Variants in RABGEF1 observed in about 807,000 individuals in gnomAD.
RABGEF1 encodes rab5 GDP/GTP exchange factor.
RABGEF1 carries 26 observed loss-of-function variants against 57.3 expected under a neutral mutation model. The ratio of observed to expected loss-of-function variants is 0.45; its 90% CI spans 0.33 to 0.63. The LOEUF (loss-of-function observed/expected upper bound fraction) is 0.63, where lower values mean the gene tolerates loss of function less well. Ranked by LOEUF, RABGEF1 falls within the 20% of genes least tolerant of loss-of-function variation. The pLI, the probability that RABGEF1 is intolerant of heterozygous loss-of-function variation, is 0.02. For missense variants in RABGEF1, 464 were observed against 607.6 expected (o/e 0.76, Z 2.48); for synonymous variants, 185 against 210.7 (o/e 0.88, Z 1.06).
In RABGEF1 at chr7:66,795,583, C is replaced by T. The variant is rs2129171750; in HGVS notation, c.586C>T (p.Arg196Cys). The change falls in exon 5 of 9, where the codon CGT becomes TGT. Residue 196 changes from arginine to cysteine, a missense_variant. Coordinates refer to ENST00000284957, the MANE Select transcript of RABGEF1 (RefSeq NM_014504.3). ...CAATGTGGCCGAAAGGATGCAAACT[C>T]GTGGGAAAGGTAACACTGTTAGCCA... ...YHNVAERMQT[R>C]GKVPPERVEK... 5 of 1,606,016 alleles carry T rather than the reference C, an allele frequency of 3.1e-6. No homozygotes were observed. The highest frequency in any genetic ancestry group is 4.3e-6 in the Non-Finnish European group (5 of 1,172,650).
At chr7:66,744,369 CAAA>C (rs947458817) in intron 1 of RABGEF1, among the ~76,000 whole-genome samples, 1 of 120,430 alleles carries the variant, frequency 8.3e-6, no homozygotes, top group Admixed American at 8.4e-5. Flanking sequence ...TGCATCTCTA[CAAA>C]AAAAAAAAAA....
At chr7:66,708,480 G>A (rs1297897914) in intron 1 of RABGEF1, among the ~76,000 whole-genome samples, 1 of 151,852 alleles carries the variant, frequency 6.6e-6, no homozygotes, top group Non-Finnish European at 1.5e-5. Flanking sequence ...TAGAGACGGG[G>A]TTTCACCATG....
chr7:66,695,728 G>A (rs1321560334), intron 1 of RABGEF1, among the ~76,000 whole-genome samples: 1 of 152,134 alleles, frequency 6.6e-6, no homozygotes, highest in East Asian at 1.9e-4. Flanking sequence ...CACTTTGGGA[G>A]GCTGAGGCAG....
At chr7:66,764,803 C>A (rs892840562) in intron 1 of RABGEF1, among the ~76,000 whole-genome samples, 1 of 152,198 alleles carries the variant, frequency 6.6e-6, no homozygotes, top group Non-Finnish European at 1.5e-5. Flanking sequence ...AATCTCAATT[C>A]TATTCCGTTG....
chr7:66,776,916 G>T (rs1412294668), intron 3 of RABGEF1, among the ~76,000 whole-genome samples: 1 of 152,164 alleles, frequency 6.6e-6, no homozygotes, highest in Non-Finnish European at 1.5e-5. Context: ...TTGAGCCCTA[G>T]CTTTGTATTT....
At chr7:66,778,602 C>T (rs1326799559) in intron 3 of RABGEF1, among the ~76,000 whole-genome samples, 2 of 152,160 alleles carry the variant, frequency 1.3e-5, no homozygotes, top group Non-Finnish European at 2.9e-5. Context: ...CATATCTTTT[C>T]ATTTTTAGAG....
At chr7:66,690,007 A>G (rs769911643) in intron 1 of RABGEF1, among the ~76,000 whole-genome samples, 14 of 152,240 alleles carry the variant, frequency 9.2e-5, no homozygotes, top group African/African-American at 2.4e-4. Context: ...AACTCATTCT[A>G]TGAGGCCAGC....
upstream of RABGEF1, among the ~76,000 whole-genome samples, chr7:66,678,758 G>A (rs1245006476): frequency 6.6e-6 from 1 of 151,942 alleles, no homozygotes; most frequent in African/African-American, 2.4e-5. Flanking sequence ...CCTCCCACAG[G>A]GAAACTCAGA....
the RABGEF1 span, among the ~76,000 whole-genome samples, chr7:66,655,963 A>G: frequency 6.6e-6 from 1 of 152,310 alleles, no homozygotes; most frequent in South Asian, 2.1e-4. Context: ...CCGAGGAGGG[A>G]GTCGGGCATT....
At chr7:66,686,568 A>C (rs1316013307) in intron 1 of RABGEF1, among the ~76,000 whole-genome samples, 1 of 152,252 alleles carries the variant, frequency 6.6e-6, no homozygotes, top group East Asian at 1.9e-4. Flanking sequence ...GTGTTATTTC[A>C]CATGGCTGAA....
chr7:66,744,029 T>G (rs1799609999), intron 1 of RABGEF1, among the ~76,000 whole-genome samples: 1 of 151,084 alleles, frequency 6.6e-6, no homozygotes, highest in South Asian at 2.1e-4. Context: ...CTTTTTTCTT[T>G]TCTTTTCTTT....
the RABGEF1 span, among the ~76,000 whole-genome samples, chr7:66,664,351 G>A: frequency 6.6e-6 from 1 of 151,928 alleles, no homozygotes; most frequent in African/African-American, 2.4e-5. Flanking sequence ...AGGCCGAGGC[G>A]GGCAGATTAC....
chr7:66,663,470 T>C, the RABGEF1 span, among the ~76,000 whole-genome samples: 6,083 of 152,024 alleles, frequency 0.04, 167 homozygotes, highest in East Asian at 0.088. Flanking sequence ...CCCAGCCACT[T>C]GGGAGGCTGA....
At chr7:66,671,303 C>G in the RABGEF1 span, among the ~76,000 whole-genome samples, 1 of 152,148 alleles carries the variant, frequency 6.6e-6, no homozygotes, top group Admixed American at 6.6e-5. Flanking sequence ...CCTCAGCCTC[C>G]TGAATAGCTG....
intron 1 of RABGEF1, among the ~76,000 whole-genome samples, chr7:66,700,953 G>T (rs539136488): frequency 6.6e-6 from 1 of 152,234 alleles, no homozygotes; most frequent in African/African-American, 2.4e-5. Context: ...GAGAGCCATT[G>T]TGAGTCAGTT....
intron 7 of RABGEF1, among the ~76,000 whole-genome samples, chr7:66,800,113 G>A (rs1275313408): frequency 6.6e-6 from 1 of 152,210 alleles, no homozygotes; most frequent in Admixed American, 6.5e-5. Context: ...GCTTGTTCAT[G>A]TAGACATTGT....
At chr7:66,752,129 T>C (rs1360736252) in intron 1 of RABGEF1, among the ~76,000 whole-genome samples, 1 of 152,036 alleles carries the variant, frequency 6.6e-6, no homozygotes, top group African/African-American at 2.4e-5. Context: ...GGCCAGACGT[T>C]TGAGGCTACA....
At chr7:66,740,035 G>T, upstream of RABGEF1, 1 of 152,286 alleles carries the variant, frequency 6.6e-6, no homozygotes. Flanking sequence ...GTTCAGTGGA[G>T]GGATCTCTGC....
Position 66,693,745 on chromosome 7 carries a change from C to T in RABGEF1, c.-873+11487C>T, listed in dbSNP as rs116987395. Among the ~76,000 whole-genome samples the T allele has an allele frequency of 5.3e-3, 813 of 152,236 alleles. 2 individuals are homozygous for T. Among genetic ancestry groups the T allele is most frequent in the Non-Finnish European group, 9.8e-3 (669 of 68,014 alleles). ...TCCCGAGAGAGAGGACTACGACCCT[C>T]AGGGAATCATTCATTCATTATTCAT... is the stretch of plus-strand genomic sequence containing the variant. On this transcript the variant is annotated intron_variant and NMD_transcript_variant, in intron 1 of 9. Transcript: ENST00000607882.
Sources: gnomAD v4.1 joint callset for allele counts (sites outside exome capture counted in the v4.1 genomes callset) on GRCh38, gnomAD v4.1.1 for gene constraint, MANE v1.5 for transcripts, NCBI Gene and HGNC (gene_info 2026-07-23, HGNC 2026-07-21) for gene names.